PLCG2: variants seen among roughly 807,000 people sequenced by gnomAD.
The protein encoded by PLCG2 is 1-phosphatidylinositol 4,5-bisphosphate phosphodiesterase gamma-2.
In PLCG2, 69 loss-of-function variants were observed where a neutral mutation model predicts 175.6. The ratio of observed to expected loss-of-function variants is 0.39; its 90% CI spans 0.32 to 0.48. The LOEUF is 0.48. Among genes scored for constraint, PLCG2 ranks in the 20% least tolerant of loss-of-function variants. PLCG2 has a pLI of 0.91. For synonymous variants in PLCG2, 827 were observed against 624.0 expected, an observed-to-expected ratio of 1.33 and a Z score of -4.85; for missense variants, 1,798 against 1,650.9, an observed-to-expected ratio of 1.09 and a Z score of -1.54.
chr16:81,934,589 G>C (rs1910631915), intron 26 of PLCG2, 58 bp downstream of exon 26: 2 of 1,021,972 alleles, frequency 2.0e-6, no homozygotes, highest in African/African-American at 3.1e-5. Flanking sequence ...ACTTCCTTTA[G>C]AGTCTGATAT....
chr16:81,785,710 G>T (rs1028840336), intron 1 of PLCG2: 3 of 301,610 alleles, frequency 9.9e-6, no homozygotes, highest in East Asian at 7.7e-5. Flanking sequence ...CAAAGCCCAC[G>T]TAACGGTTGG....
At chr16:81,764,959 T>C (rs1279710963) in intron 2 of PLCG2, among the ~76,000 whole-genome samples, 2 of 147,074 alleles carry the variant, frequency 1.4e-5, no homozygotes, top group African/African-American at 5.0e-5. Context: ...CATAGTAGTG[T>C]GCACCTGTGG....
At chr16:81,803,743 G>T (rs960447947) in intron 2 of PLCG2, among the ~76,000 whole-genome samples, 2 of 145,728 alleles carry the variant, frequency 1.4e-5, no homozygotes, top group Admixed American at 1.4e-4. Flanking sequence ...GGGCAGTGGT[G>T]CGATTTTGGT....
intron 2 of PLCG2, among the ~76,000 whole-genome samples, chr16:81,844,294 C>T (rs1459095975): frequency 6.7e-6 from 1 of 148,708 alleles, no homozygotes; most frequent in African/African-American, 2.5e-5. Flanking sequence ...CGCCCGGGCA[C>T]CTTTTCATTT....
At chr16:81,869,019 A>G (rs148161999) in intron 5 of PLCG2, among the ~76,000 whole-genome samples, 195 bp from the exon 6 acceptor site, 127 of 152,370 alleles carry the variant, frequency 8.3e-4, no homozygotes, top group African/African-American at 3.0e-3. Context: ...GTCCATGGAC[A>G]TTGCTTGAGC....
intron 23 of PLCG2, among the ~76,000 whole-genome samples, chr16:81,927,393 T>C (rs1395346620): frequency 2.6e-5 from 4 of 152,212 alleles, no homozygotes; most frequent in African/African-American, 9.7e-5. Context: ...TTAATCAGGT[T>C]GTGTTGGGCT....
intron 18 of PLCG2, among the ~76,000 whole-genome samples, 183 bp from the exon 19 acceptor site, chr16:81,912,414 T>G (rs1012367885): frequency 6.6e-6 from 1 of 152,232 alleles, no homozygotes; most frequent in African/African-American, 2.4e-5. Context: ...CTTCCACTAT[T>G]CTTTTCACAA....
intron 14 of PLCG2, among the ~76,000 whole-genome samples, chr16:81,902,247 G>A (rs7192070): frequency 0.023 from 3,547 of 152,266 alleles, 126 homozygotes; most frequent in African/African-American, 0.079. Flanking sequence ...GAGCTCATGG[G>A]GAAGGACAAA....
At chr16:81,914,076 T>A (rs1309674843) in intron 19 of PLCG2, among the ~76,000 whole-genome samples, 1 of 152,196 alleles carries the variant, frequency 6.6e-6, no homozygotes, top group Non-Finnish European at 1.5e-5. Flanking sequence ...CTCCTCAGCC[T>A]GGATGGGGAG....
At chr16:81,913,546 T>C (rs1461072660) in intron 19 of PLCG2, among the ~76,000 whole-genome samples, 1 of 152,210 alleles carries the variant, frequency 6.6e-6, no homozygotes, top group Non-Finnish European at 1.5e-5. Context: ...CTCCAGAGTC[T>C]CTAGCCAGAG....
chr16:81,943,515 T>C (rs1597149043), intron 30 of PLCG2, among the ~76,000 whole-genome samples: 4 of 152,104 alleles, frequency 2.6e-5, no homozygotes. Flanking sequence ...ACAGTGGAGA[T>C]CACAATTCAA....
rs897232745 is a variant in PLCG2, at chr16:81,867,737, AC to A, written c.480-1474del. The stretch of plus-strand genomic sequence containing the variant: ...TTTGGAGATGGAGTCTTGCTCTGTC[AC>A]CCAGGCTGGAGTGCAGTGGCGTGAT... On this transcript the variant is annotated intron_variant, in intron 5 of 32. Transcript: ENST00000564138. 1.5e-4 allele frequency among the ~76,000 whole-genome samples: 22 copies of A among 151,020 alleles called. 1 individual carries two copies.
At chr16:81,862,274 G>T (rs1041498907) in intron 5 of PLCG2, among the ~76,000 whole-genome samples, 2 of 152,264 alleles carry the variant, frequency 1.3e-5, no homozygotes, top group African/African-American at 4.8e-5. Flanking sequence ...TAGGTGTTTT[G>T]CTTGGCCCAA....
At chr16:81,745,724 T>G (rs1909691412) in intron 1 of PLCG2, among the ~76,000 whole-genome samples, 1 of 152,226 alleles carries the variant, frequency 6.6e-6, no homozygotes, top group African/African-American at 2.4e-5. Flanking sequence ...CCTGTAAATC[T>G]CAGGTTCTGA....
intron 3 of PLCG2, among the ~76,000 whole-genome samples, chr16:81,854,930 A>T (rs995746953): frequency 6.6e-6 from 1 of 152,058 alleles, no homozygotes; most frequent in Non-Finnish European, 1.5e-5. Context: ...TTGGATGAAA[A>T]ATGTACGCTG....
chr16:81,890,864 T>C (rs1199762441), intron 10 of PLCG2, among the ~76,000 whole-genome samples: 1 of 152,172 alleles, frequency 6.6e-6, no homozygotes, highest in African/African-American at 2.4e-5. Context: ...CTATTATGCT[T>C]TAAATTGTAT....
chr16:81,939,745 A>G (rs1373223536), intron 29 of PLCG2, 147 bp from the exon 30 acceptor site: 2 of 590,402 alleles, frequency 3.4e-6, no homozygotes, highest in Admixed American at 2.8e-5. Flanking sequence ...AGTGAAGATA[A>G]TTATTCAGAT....
intron 2 of PLCG2, chr16:81,852,059 A>G: frequency 6.6e-6 from 1 of 152,242 alleles, no homozygotes. Context: ...GGCCACAGCC[A>G]CCTCTTCTTG....
intron 3 of PLCG2, 32 bp downstream of exon 3, chr16:81,854,619 C>G: frequency 6.2e-7 from 1 of 1,604,954 alleles, no homozygotes; most frequent in Non-Finnish European, 8.5e-7. Context: ...TTTCTCCTTC[C>G]CTGTGCCTTA....
Sources: allele counts gnomAD v4.1 joint callset (sites outside exome capture counted in the v4.1 genomes callset), GRCh38; gene constraint gnomAD v4.1.1; transcripts MANE v1.5; gene names NCBI Gene and HGNC (gene_info 2026-07-23, HGNC 2026-07-21).